VWA8: variants seen among roughly 807,000 people sequenced by gnomAD.
VWA8 encodes von Willebrand factor A domain containing 8.
Under a neutral mutation model 241.5 loss-of-function variants are expected in VWA8, and 221 were observed. That is an observed-to-expected ratio of 0.91 (90% confidence interval 0.82 to 1.02). The LOEUF is 1.02. VWA8 is among the 50% of genes least tolerant of loss of function. The probability of loss-of-function intolerance (pLI) is 0.00; values close to 1 mark genes in which losing one functional copy is unlikely to be tolerated. For synonymous variants in VWA8, 852 were observed against 827.1 expected, an observed-to-expected ratio of 1.03 and a Z score of -0.52; for missense variants, 2,322 against 2,328.7, an observed-to-expected ratio of 1.00 and a Z score of 0.06.
At chr13:41,635,733 C>T (rs1488706102) in intron 37 of VWA8, among the ~76,000 whole-genome samples, 1 of 152,136 alleles carries the variant, frequency 6.6e-6, no homozygotes, top group Non-Finnish European at 1.5e-5. Context: ...ACCAGAAGAG[C>T]TCCTACCCCA....
intron 4 of VWA8, among the ~76,000 whole-genome samples, chr13:41,893,578 T>C (rs1200264832): frequency 6.6e-6 from 1 of 152,116 alleles, no homozygotes; most frequent in Non-Finnish European, 1.5e-5. Context: ...AGAAATAGAT[T>C]CTGGGATATT....
intron 4 of VWA8, among the ~76,000 whole-genome samples, chr13:41,904,280 T>C (rs1875595801): frequency 6.6e-6 from 1 of 152,180 alleles, no homozygotes; most frequent in Non-Finnish European, 1.5e-5. Flanking sequence ...TAAACACATT[T>C]AAAAATCCAT....
chr13:41,840,797 A>G (rs1489538591), intron 12 of VWA8, among the ~76,000 whole-genome samples: 2 of 152,096 alleles, frequency 1.3e-5, no homozygotes, highest in African/African-American at 4.8e-5. Context: ...TGATCACAAC[A>G]TCAACACCAA....
intron 2 of VWA8, among the ~76,000 whole-genome samples, chr13:41,936,900 T>C (rs1287808433): frequency 2.0e-5 from 3 of 152,190 alleles, no homozygotes; most frequent in Non-Finnish European, 2.9e-5. Flanking sequence ...CAGGCAATGA[T>C]GGATTGCATA....
At chr13:41,920,846 T>C (rs1305714259) in intron 2 of VWA8, among the ~76,000 whole-genome samples, 2 of 152,222 alleles carry the variant, frequency 1.3e-5, no homozygotes, top group East Asian at 3.8e-4. Flanking sequence ...AGCCAAATTC[T>C]ACCAGAAGTA....
chr13:41,864,154 A>AG, intron 12 of VWA8, among the ~76,000 whole-genome samples: 1 of 151,962 alleles, frequency 6.6e-6, no homozygotes, highest in Non-Finnish European at 1.5e-5. Context: ...AAAAAAAAAA[A>AG]AAAAAGAAAG....
At chr13:41,945,642 G>C (rs1162320168) in intron 2 of VWA8, among the ~76,000 whole-genome samples, 2 of 151,848 alleles carry the variant, frequency 1.3e-5, no homozygotes, top group Admixed American at 6.6e-5. Flanking sequence ...TTAACCAGAG[G>C]GGCTCAACAA....
chr13:41,591,316 G>GT (rs143642735), intron 40 of VWA8, among the ~76,000 whole-genome samples: 10,084 of 152,172 alleles, frequency 0.066, 420 homozygotes, highest in East Asian at 0.15. Context: ...TTTTCTAAAA[G>GT]TTTTTTCACA....
At chr13:41,603,070 A>T (rs1315337566) in intron 40 of VWA8, among the ~76,000 whole-genome samples, 1 of 152,130 alleles carries the variant, frequency 6.6e-6, no homozygotes, top group African/African-American at 2.4e-5. Context: ...CCCTGAAATA[A>T]TTACTCTCAT....
intron 26 of VWA8, among the ~76,000 whole-genome samples, chr13:41,717,349 T>A (rs530171329): frequency 1.3e-5 from 2 of 151,824 alleles, no homozygotes; most frequent in African/African-American, 2.4e-5. Context: ...CAAATAGATA[T>A]GCTATGTATA....
chr13:41,685,823 T>C (rs540492808), intron 34 of VWA8, among the ~76,000 whole-genome samples: 1 of 152,286 alleles, frequency 6.6e-6, no homozygotes, highest in South Asian at 2.1e-4. Flanking sequence ...AGTCATTCTC[T>C]CTCTCCCCTA....
chr13:41,718,178 G>T (rs1285801101), intron 26 of VWA8, among the ~76,000 whole-genome samples: 1 of 151,880 alleles, frequency 6.6e-6, no homozygotes, highest in Non-Finnish European at 1.5e-5. Context: ...CATAAAGCCA[G>T]TACTCTAATT....
At position 41,570,766 on chromosome 13, in the gene VWA8, C is replaced by T. The variant is rs185752130; in HGVS notation, c.5371-60G>A. ...TGAGAAACTTCTTTTTTAACAAATA[C>T]GATTATTTTTCTATTGACCATGAGC... On this transcript the variant is annotated intron_variant, in intron 43 of 44. Transcript: ENST00000379310. 2.7e-4 allele frequency: 399 copies of T among 1,473,878 alleles called. 8 individuals are homozygous for T. The South Asian group carries it at 4.5e-3, about 16-fold the overall frequency. 91.3% of individuals were successfully genotyped at this position (1,473,878 alleles called of 1,614,324 possible).
chr13:41,927,874 C>A (rs753052750), intron 2 of VWA8, among the ~76,000 whole-genome samples: 1 of 152,000 alleles, frequency 6.6e-6, no homozygotes, highest in Non-Finnish European at 1.5e-5. Flanking sequence ...GCTTTAAGGA[C>A]AGACAGGACA....
Position 41,891,537 on chromosome 13 carries a change from C to T in VWA8, c.534G>A (p.Leu178=), listed in dbSNP as rs1874846841. 6.2e-7 allele frequency: 1 copy of T among 1,614,056 alleles called. No homozygotes were observed. Among genetic ancestry groups the T allele is most frequent in the South Asian group, 1.1e-5 (1 of 91,086 alleles). ...TEGRTLILEG[L]EKAERNVLPV... The stretch of plus-strand genomic sequence containing the variant: ...GCAAAACATTCCTCTCTGCCTTTTC[C>T]AAACCTTCCAAAATGAGAGTTCTGC... The change falls in exon 5 of 45, where the codon TTG becomes TTA. Residue 178 remains leucine, a synonymous_variant. Transcript: ENST00000379310.
chr13:41,721,959 T>TA (rs869064954), intron 24 of VWA8, among the ~76,000 whole-genome samples: 7 of 152,062 alleles, frequency 4.6e-5, no homozygotes, highest in East Asian at 1.9e-4. Context: ...GCACTTTTTT[T>TA]AAAAAAATGC....
chr13:41,759,944 G>A (rs1445323096), intron 21 of VWA8, among the ~76,000 whole-genome samples: 1 of 151,536 alleles, frequency 6.6e-6, no homozygotes, highest in African/African-American at 2.4e-5. Flanking sequence ...AAGCCATTTT[G>A]TATGAGACAA....
chr13:41,923,859 C>T, intron 2 of VWA8, among the ~76,000 whole-genome samples: 1 of 151,826 alleles, frequency 6.6e-6, no homozygotes, highest in Admixed American at 6.6e-5. Context: ...ACGTGCCCAA[C>T]CAATATCTTC....
chr13:41,802,361 A>G (rs1345007291), intron 17 of VWA8, among the ~76,000 whole-genome samples: 1 of 152,244 alleles, frequency 6.6e-6, no homozygotes. Flanking sequence ...AATTCTAACT[A>G]GCCCCACCAC....
Sources: allele counts gnomAD v4.1 joint callset (sites outside exome capture counted in the v4.1 genomes callset), GRCh38; gene constraint gnomAD v4.1.1; transcripts MANE v1.5; gene names NCBI Gene and HGNC (gene_info 2026-07-23, HGNC 2026-07-21).